The following INO80D variants were observed in gnomAD, a reference collection of about 807,000 sequenced individuals.
The protein encoded by INO80D is INO80 complex subunit D.
Under a neutral mutation model 87.6 loss-of-function variants are expected in INO80D, and 21 were observed. The ratio of observed to expected loss-of-function variants is 0.24; its 90% confidence interval spans 0.17 to 0.35. The LOEUF is 0.35. Ranked by LOEUF, INO80D falls within the 10% of genes least tolerant of loss-of-function variation. INO80D has a pLI of 1.00. For missense variants in INO80D, 982 were observed against 1,280.7 expected (o/e 0.77, Z 3.56); for synonymous variants, 440 against 491.0 (o/e 0.90, Z 1.37).
chr2:206,042,525 T>C (rs1689076682), intron 5 of INO80D, among the ~76,000 whole-genome samples: 1 of 151,364 alleles, frequency 6.6e-6, no homozygotes, highest in Non-Finnish European at 1.5e-5. Context: ...CTACTAAAAA[T>C]AGAAAAGTTA....
At chr2:206,080,865 T>C (rs1252186830) in intron 1 of INO80D, among the ~76,000 whole-genome samples, 3 of 121,834 alleles carry the variant, frequency 2.5e-5, no homozygotes, top group African/African-American at 9.9e-5. Flanking sequence ...ATCGTGCCAC[T>C]GCACTCCAGC....
chr2:206,068,904 T>C, intron 1 of INO80D, among the ~76,000 whole-genome samples: 1 of 151,846 alleles, frequency 6.6e-6, no homozygotes, highest in African/African-American at 2.4e-5. Context: ...TTTCACCATG[T>C]TGCCTAGGCT....
intron 8 of INO80D, among the ~76,000 whole-genome samples, chr2:206,015,571 C>T (rs1020170344): frequency 3.9e-5 from 6 of 152,150 alleles, no homozygotes; most frequent in Admixed American, 3.3e-4. Context: ...GGAACCTCCG[C>T]CTAGAATACA....
intron 3 of INO80D, among the ~76,000 whole-genome samples, chr2:206,059,386 A>C (rs556711554): frequency 3.3e-5 from 5 of 152,242 alleles, no homozygotes; most frequent in African/African-American, 7.2e-5. Context: ...GCCTCAAAAA[A>C]CAAAAAAAAC....
At chr2:206,070,889 A>ATTTTTTTT (rs71863031) in intron 1 of INO80D, among the ~76,000 whole-genome samples, 2 of 129,028 alleles carry the variant, frequency 1.6e-5, no homozygotes, top group African/African-American at 3.0e-5. Context: ...AGGGGACTTG[A>ATTTTTTTT]TTTTTTTTTT....
At chr2:206,019,545 T>TGA (rs1221244972) in intron 7 of INO80D, among the ~76,000 whole-genome samples, 191 bp downstream of exon 7, 10 of 152,232 alleles carry the variant, frequency 6.6e-5, no homozygotes, top group Admixed American at 6.5e-4. Context: ...ATTTTGCTTA[T>TGA]TTTTTGTGAT....
At chr2:206,017,446 T>C (rs1012892687) in intron 8 of INO80D, among the ~76,000 whole-genome samples, 4 of 152,208 alleles carry the variant, frequency 2.6e-5, no homozygotes, top group African/African-American at 7.2e-5. Context: ...ATTTGTAGAA[T>C]TGTATATAAG....
intron 6 of INO80D, among the ~76,000 whole-genome samples, chr2:206,023,078 G>GTAAT (rs1470317839): frequency 6.6e-6 from 1 of 152,036 alleles, no homozygotes; most frequent in African/African-American, 2.4e-5. Context: ...AAGGGTGCCT[G>GTAAT]TAATCCCAGC....
At position 206,005,155 on chromosome 2, in the gene INO80D, G is replaced by A; in HGVS notation, c.2297C>T (p.Ser766Phe). Residue 766 changes from serine (S) to phenylalanine (F), a missense_variant, in exon 11 of 11, where the codon TCT becomes TTT. By Grantham distance (155) the Ser-to-Phe change is radical. Transcript: ENST00000403263. ...FSAPANVGLT[S>F]ATLISQSALG... ...TGCACTCTGGCTGATCAGAGTGGCAGAAGTAAGGCCAACGTTGGCTGGGGC... is the reference window on the plus strand; with the variant it reads ...TGCACTCTGGCTGATCAGAGTGGCAAAAGTAAGGCCAACGTTGGCTGGGGC... 1 of 1,614,022 alleles carries A rather than the reference G, an allele frequency of 6.2e-7. No individual in the cohort carries two copies. The highest frequency in any genetic ancestry group is 8.5e-7 in the Non-Finnish European group (1 of 1,179,884).
At chr2:206,010,264 CT>C (rs773670082) in intron 8 of INO80D, among the ~76,000 whole-genome samples, 1,958 of 140,586 alleles carry the variant, frequency 0.014, 25 homozygotes, top group South Asian at 0.028. Context: ...GACCACAATT[CT>C]TTTTTTTTTT....
At chr2:206,038,181 T>C (rs76334986) in intron 5 of INO80D, among the ~76,000 whole-genome samples, 1,638 of 152,328 alleles carry the variant, frequency 0.011, 35 homozygotes, top group African/African-American at 0.037. Context: ...ACTTGATCAC[T>C]ACACAATCTA....
intron 4 of INO80D, 111 bp downstream of exon 4, chr2:206,056,087 T>C (rs946366353): frequency 4.7e-6 from 5 of 1,068,022 alleles, no homozygotes; most frequent in South Asian, 3.2e-5. Flanking sequence ...CTCTGCCTCA[T>C]TGTGATTCCA....
intron 1 of INO80D, among the ~76,000 whole-genome samples, chr2:206,069,600 A>T (rs1400722590): frequency 3.3e-5 from 5 of 152,122 alleles, no homozygotes; most frequent in Non-Finnish European, 7.4e-5. Context: ...TGGGGTTGGT[A>T]CCTATACTTT....
chr2:206,066,595 C>A (rs2105895176), intron 1 of INO80D, among the ~76,000 whole-genome samples: 1 of 151,586 alleles, frequency 6.6e-6, no homozygotes, highest in East Asian at 2.0e-4. Flanking sequence ...TACCTGAGGT[C>A]AGGAGTTCAA....
chr2:206,073,825 C>G (rs1690035830), intron 1 of INO80D, among the ~76,000 whole-genome samples: 1 of 152,064 alleles, frequency 6.6e-6, no homozygotes. Context: ...TATCACATTT[C>G]CTAATCCATG....
intron 3 of INO80D, among the ~76,000 whole-genome samples, chr2:206,060,775 G>A (rs935699735): frequency 2.6e-5 from 4 of 151,936 alleles, no homozygotes; most frequent in African/African-American, 9.7e-5. Context: ...GGTCAGGGTG[G>A]TCTCAAACTC....
chr2:206,004,309 G>C lies in INO80D; in HGVS notation c.*59C>G. On this transcript the variant is annotated 3_prime_UTR_variant, in exon 11 of 11. Coordinates refer to ENST00000403263, the MANE Select transcript of INO80D (RefSeq NM_017759.5). This position sits in a 1 kb window ranked among gnomAD's most constrained non-coding sequence, Gnocchi z 4.9. The stretch of plus-strand genomic sequence containing the variant: ...AGGAAAAGGGGAGAGGGGTGCTAAA[G>C]AGGAAACAAAGATAGAAAACACTGG... 2 of 1,444,086 alleles carry C rather than the reference G, an allele frequency of 1.4e-6. No homozygotes were observed. Among genetic ancestry groups the C allele is most frequent in the Non-Finnish European group, 1.9e-6 (2 of 1,055,052 alleles). 89.5% of individuals were successfully genotyped at this position (1,444,086 alleles called of 1,614,324 possible).
intron 1 of INO80D, among the ~76,000 whole-genome samples, chr2:206,070,264 C>G (rs917475064): frequency 1.3e-5 from 2 of 151,342 alleles, no homozygotes; most frequent in Non-Finnish European, 2.9e-5. Context: ...AAAAACAAAA[C>G]AACACAAAAA....
chr2:206,056,765 G>A lies in INO80D; in HGVS notation c.397C>T (p.Pro133Ser), dbSNP rs188489439. 10 of 1,613,132 alleles carry A rather than the reference G, an allele frequency of 6.2e-6. No homozygotes were observed. The highest frequency in any genetic ancestry group is 4.0e-5 in the African/African-American group (3 of 75,024). The stretch of plus-strand genomic sequence containing the variant: ...TGGAGAGGGACCCTTGCCCCAGGTG[G>A]AGAGAGGGACATTCCATCCAGTCCG... ...PNGLDGMSLS[P>S]PGARVPLHYL... is the part of the protein sequence containing the mutation. Residue 133 changes from proline (P) to serine (S), a missense_variant, in exon 4 of 11, where the codon CCA becomes TCA. Coordinates refer to ENST00000403263, the MANE Select transcript of INO80D (RefSeq NM_017759.5).
Sources: allele counts gnomAD v4.1 joint callset (sites outside exome capture counted in the v4.1 genomes callset), GRCh38; gene constraint gnomAD v4.1.1; non-coding constraint Gnocchi (gnomAD v3.1); transcripts MANE v1.5; gene names NCBI Gene and HGNC (gene_info 2026-07-23, HGNC 2026-07-21).